PCDH11X: variants seen among roughly 807,000 people sequenced by gnomAD.
PCDH11X encodes protocadherin 11 X-linked.
A neutral mutation model predicts 53.3 loss-of-function variants in PCDH11X; 18 were observed. That is an observed-to-expected ratio of 0.34 (90% CI 0.23 to 0.50). The LOEUF (loss-of-function observed/expected upper bound fraction) is 0.50, where lower values mean the gene tolerates loss of function less well. PCDH11X is among the 20% of genes least tolerant of loss of function. PCDH11X has a pLI of 0.98. For missense variants in PCDH11X, 570 were observed against 1,032.4 expected (o/e 0.55, Z 6.14); for synonymous variants, 279 against 393.3 (o/e 0.71, Z 3.44).
intron 5 of PCDH11X, among the ~76,000 whole-genome samples, chrX:91,849,469 CTGT>C (rs1413984718): frequency 1.8e-5 from 2 of 109,065 alleles, no homozygotes; most frequent in Non-Finnish European, 3.8e-5. Context: ...GGCCCAATAT[CTGT>C]TGTTCCCTTC....
intron 6 of PCDH11X, among the ~76,000 whole-genome samples, chrX:92,100,230 A>T (rs2064213963): frequency 9.0e-6 from 1 of 111,503 alleles, no homozygotes; most frequent in Non-Finnish European, 1.9e-5. Flanking sequence ...TCTTCCATAT[A>T]TCCTTCCTTT....
chrX:92,014,527 A>G (rs1250136326), intron 6 of PCDH11X, among the ~76,000 whole-genome samples: 2 of 109,179 alleles, frequency 1.8e-5, no homozygotes, highest in African/African-American at 6.7e-5. Flanking sequence ...CAGCCATCCC[A>G]TTACTGGGTA....
At chrX:92,072,269 G>T (rs1409269401) in intron 6 of PCDH11X, among the ~76,000 whole-genome samples, 1 of 110,739 alleles carries the variant, frequency 9.0e-6, no homozygotes, top group Non-Finnish European at 1.9e-5. Context: ...CCAAAAGACT[G>T]CTTGTTGCTC....
chrX:92,245,899 T>G (rs1197864569), intron 7 of PCDH11X, among the ~76,000 whole-genome samples: 1 of 111,913 alleles, frequency 8.9e-6, no homozygotes, highest in East Asian at 2.8e-4. Flanking sequence ...ATAAATGGAT[T>G]AATACTCAAA....
At chrX:91,848,654 T>C (rs1041904950) in intron 5 of PCDH11X, among the ~76,000 whole-genome samples, 4 of 112,239 alleles carry the variant, frequency 3.6e-5, no homozygotes, top group African/African-American at 1.3e-4. Flanking sequence ...TAGTTTATTT[T>C]TGCATCATAT....
intron 10 of PCDH11X, among the ~76,000 whole-genome samples, chrX:92,505,152 CT>C (rs58620449): frequency 0.14 from 8,759 of 63,796 alleles, 457 homozygotes; most frequent in East Asian, 0.42. Flanking sequence ...TTTCTTTTTT[CT>C]TTTTTTTTTT....
rs535591448 is a variant in PCDH11X, at chrX:91,973,870, C to T, written c.3033+94597C>T. On this transcript the variant is annotated intron_variant, in intron 6 of 10. Transcript: ENST00000682573. ...CCTCAGGTGATCCACCCGCCTTGGC[C>T]TCCCAAAGTGCTGGGATTACAGGTG... 1.5e-3 allele frequency among the ~76,000 whole-genome samples: 167 copies of T among 111,105 alleles called. 2 individuals are homozygous for T. In the South Asian group the frequency reaches 0.062, roughly 41 times the overall value.
At chrX:92,104,359 G>C (rs1248637609) in intron 6 of PCDH11X, among the ~76,000 whole-genome samples, 2 of 110,578 alleles carry the variant, frequency 1.8e-5, no homozygotes, top group African/African-American at 6.6e-5. Context: ...TTGGTACTGA[G>C]GGGACAGGCG....
At chrX:92,400,264 C>T (rs1206500253) in intron 9 of PCDH11X, among the ~76,000 whole-genome samples, 1 of 111,625 alleles carries the variant, frequency 9.0e-6, no homozygotes, top group African/African-American at 3.3e-5. Flanking sequence ...CAGCAAACAT[C>T]TCTGCAGGTG....
At chrX:92,534,572 T>C (rs1374365207) in intron 10 of PCDH11X, among the ~76,000 whole-genome samples, 1 of 110,633 alleles carries the variant, frequency 9.0e-6, no homozygotes, top group Non-Finnish European at 1.9e-5. Context: ...AAGATACTCC[T>C]CGAGAAGAGC....
At chrX:92,426,750 A>G (rs1235765689) in intron 9 of PCDH11X, among the ~76,000 whole-genome samples, 1 of 110,901 alleles carries the variant, frequency 9.0e-6, no homozygotes, top group Non-Finnish European at 1.9e-5. Flanking sequence ...ATAATATGGT[A>G]TCTCATAATC....
At chrX:92,557,696 C>G (rs374503049) in intron 10 of PCDH11X, among the ~76,000 whole-genome samples, 3 of 108,803 alleles carry the variant, frequency 2.8e-5, no homozygotes, top group East Asian at 5.8e-4. Context: ...TTAGAGCCCT[C>G]CAAGCTGTTT....
At chrX:92,070,285 G>A (rs778415394) in intron 6 of PCDH11X, among the ~76,000 whole-genome samples, 1 of 111,445 alleles carries the variant, frequency 9.0e-6, no homozygotes, top group East Asian at 2.9e-4. Context: ...GTATCTTCAA[G>A]TGATTTCTTC....
At chrX:92,553,377 G>C (rs1192596895) in intron 10 of PCDH11X, among the ~76,000 whole-genome samples, 3 of 109,280 alleles carry the variant, frequency 2.7e-5, no homozygotes, top group African/African-American at 9.9e-5. Context: ...GTTGCTCATA[G>C]TAGCCACTAA....
intron 6 of PCDH11X, among the ~76,000 whole-genome samples, chrX:91,941,919 A>T (rs2061515576): frequency 9.0e-6 from 1 of 110,821 alleles, no homozygotes; most frequent in Admixed American, 9.6e-5. Context: ...ACATCTCCAA[A>T]TAATTAAAAA....
At chrX:91,816,593 G>A (rs1936459001) in intron 4 of PCDH11X, among the ~76,000 whole-genome samples, 1 of 111,132 alleles carries the variant, frequency 9.0e-6, no homozygotes, top group South Asian at 3.8e-4. Context: ...CAGCACTGTG[G>A]AGAACTTGGA....
In PCDH11X at chrX:92,181,524, A is replaced by G. The variant is rs746467363; in HGVS notation, c.3034-19851A>G. On this transcript the variant is annotated intron_variant, in intron 6 of 10. Coordinates refer to ENST00000682573, the MANE Select transcript of PCDH11X (RefSeq NM_032968.5). ...CCAAGACAGTGGGGAAAATGTCTCC[A>G]GGGCACATCAAGGACCTTTGCAGTA... Among the ~76,000 whole-genome samples the G allele has an allele frequency of 5.4e-5, 6 of 111,959 alleles. No individual in the cohort carries two copies. The South Asian group carries it at 2.3e-3, about 42-fold the overall frequency.
At chrX:92,235,526 A>G (rs1348081219) in intron 7 of PCDH11X, among the ~76,000 whole-genome samples, 1 of 111,867 alleles carries the variant, frequency 8.9e-6, no homozygotes, top group Non-Finnish European at 1.9e-5. Flanking sequence ...AGCTGATATG[A>G]TATGTCACAA....
intron 4 of PCDH11X, among the ~76,000 whole-genome samples, chrX:91,832,926 T>C (rs1937163835): frequency 2.0e-5 from 2 of 102,551 alleles, no homozygotes; most frequent in Admixed American, 2.2e-4. Flanking sequence ...CATGGGGGTT[T>C]GTTGTACAGA....
Sources: gnomAD v4.1 joint callset for allele counts (sites outside exome capture counted in the v4.1 genomes callset) on GRCh38, gnomAD v4.1.1 for gene constraint, MANE v1.5 for transcripts, NCBI Gene and HGNC (gene_info 2026-07-23, HGNC 2026-07-21) for gene names.